Variants in AGBL1 observed in about 807,000 individuals in gnomAD.
The protein encoded by AGBL1 is cytosolic carboxypeptidase 4.
Under a neutral mutation model 118.9 loss-of-function variants are expected in AGBL1, and 130 were observed. The observed-to-expected ratio is 1.09, with a 90% CI of 0.95 to 1.26. AGBL1 has a LOEUF of 1.26. AGBL1 is among the 50% of genes most tolerant of loss of function. The pLI, the probability that AGBL1 is intolerant of heterozygous loss-of-function variation, is 0.00. For missense variants in AGBL1, 1,584 were observed against 1,298.1 expected, an observed-to-expected ratio of 1.22 and a Z score of -3.38; for synonymous variants, 555 against 478.9, an observed-to-expected ratio of 1.16 and a Z score of -2.08.
chr15:86,590,688 G>A (rs1048926893), intron 21 of AGBL1, among the ~76,000 whole-genome samples: 1 of 152,136 alleles, frequency 6.6e-6, no homozygotes, highest in Non-Finnish European at 1.5e-5. Flanking sequence ...ACCTTTAAAG[G>A]TGTCAGACTC....
rs529067923 is a variant in AGBL1 at position 86,982,704 on chromosome 15, G to A, written c.3222-5283G>A. Among the ~76,000 whole-genome samples, 26 of 151,612 alleles carry A rather than the reference G, an allele frequency of 1.7e-4. No homozygotes were observed. In the East Asian group the frequency reaches 4.4e-3, roughly 26 times the overall value. On this transcript the variant is annotated intron_variant, in intron 23 of 24. Transcript: ENST00000441037. ...AACAGTAAACATATTTTCTCTTTCT[G>A]GTGATTTTTTTAATAACATTTTCCT...
At chr15:86,349,980 C>G (rs1161769165) in intron 17 of AGBL1, among the ~76,000 whole-genome samples, 1 of 152,132 alleles carries the variant, frequency 6.6e-6, no homozygotes, top group Non-Finnish European at 1.5e-5. Context: ...AACATAAAGA[C>G]CTTGACAAAA....
At chr15:86,600,836 G>A (rs2084481791) in intron 21 of AGBL1, among the ~76,000 whole-genome samples, 1 of 152,112 alleles carries the variant, frequency 6.6e-6, no homozygotes, top group Non-Finnish European at 1.5e-5. Flanking sequence ...CAGTGGCACA[G>A]TTCCAAAGCA....
At chr15:86,277,585 T>C (rs1407603593) in intron 15 of AGBL1, among the ~76,000 whole-genome samples, 1 of 152,184 alleles carries the variant, frequency 6.6e-6, no homozygotes, top group Non-Finnish European at 1.5e-5. Context: ...CTCCTGTGGT[T>C]GAATGTGGTG....
chr15:86,653,186 C>T (rs887507671), intron 21 of AGBL1, among the ~76,000 whole-genome samples: 1 of 152,050 alleles, frequency 6.6e-6, no homozygotes, highest in Non-Finnish European at 1.5e-5. Flanking sequence ...GTTATGTCAG[C>T]ACAAACATCC....
chr15:86,380,043 A>T (rs572708867), intron 17 of AGBL1, among the ~76,000 whole-genome samples: 9 of 152,164 alleles, frequency 5.9e-5, no homozygotes, highest in Non-Finnish European at 1.3e-4. Flanking sequence ...GGTCTAGGGG[A>T]TTGTTTTAAA....
chr15:86,240,979 A>C (rs2078632606), intron 6 of AGBL1, among the ~76,000 whole-genome samples: 1 of 152,208 alleles, frequency 6.6e-6, no homozygotes, highest in African/African-American at 2.4e-5. Context: ...GCTTTAGAGT[A>C]ATGAGACTCA....
intron 22 of AGBL1, among the ~76,000 whole-genome samples, chr15:86,693,495 G>A (rs980638512): frequency 2.6e-5 from 4 of 151,988 alleles, no homozygotes; most frequent in Non-Finnish European, 5.9e-5. Flanking sequence ...GTAGATTCTG[G>A]ATATTAGTCC....
chr15:86,707,670 C>CT (rs1322632945), intron 22 of AGBL1, among the ~76,000 whole-genome samples: 1 of 151,954 alleles, frequency 6.6e-6, no homozygotes, highest in African/African-American at 2.4e-5. Flanking sequence ...AATAAAAATC[C>CT]TTTTTTCTGG....
intron 22 of AGBL1, among the ~76,000 whole-genome samples, chr15:86,902,602 A>C (rs963599448): frequency 6.6e-6 from 1 of 151,688 alleles, no homozygotes; most frequent in Non-Finnish European, 1.5e-5. Context: ...GTTACCAAAA[A>C]ATTATCAAAA....
At chr15:86,569,405 A>C (rs1250230802) in intron 21 of AGBL1, among the ~76,000 whole-genome samples, 1 of 119,276 alleles carries the variant, frequency 8.4e-6, no homozygotes, top group Admixed American at 8.3e-5. Flanking sequence ...AAGAAAAAGA[A>C]AACAAGGAAA....
chr15:86,716,604 CG>C (rs1448109860), intron 22 of AGBL1, among the ~76,000 whole-genome samples: 1 of 152,152 alleles, frequency 6.6e-6, no homozygotes, highest in Admixed American at 6.5e-5. Flanking sequence ...AAAAAGCTCA[CG>C]GCTATCTCCA....
At chr15:86,665,765 A>ATT (rs796660694) in intron 21 of AGBL1, among the ~76,000 whole-genome samples, 1 of 149,888 alleles carries the variant, frequency 6.7e-6, no homozygotes, top group Non-Finnish European at 1.5e-5. Flanking sequence ...ATCAAAATAA[A>ATT]TTTTTTTTTT....
chr15:86,784,760 T>C (rs868160532), intron 22 of AGBL1, among the ~76,000 whole-genome samples: 3 of 152,296 alleles, frequency 2.0e-5, no homozygotes, highest in Non-Finnish European at 4.4e-5. Context: ...TAGAATACTC[T>C]AAAATACAAT....
chr15:86,417,604 G>T (rs553972080), intron 18 of AGBL1, among the ~76,000 whole-genome samples: 2 of 152,180 alleles, frequency 1.3e-5, no homozygotes, highest in Non-Finnish European at 2.9e-5. Flanking sequence ...TAGCCATACA[G>T]ATGCCCAGAG....
chr15:86,495,816 T>A (rs1269397158), intron 18 of AGBL1, among the ~76,000 whole-genome samples: 1 of 151,978 alleles, frequency 6.6e-6, no homozygotes, highest in African/African-American at 2.4e-5. Context: ...TTTGATGTAT[T>A]ATGTAGATTT....
intron 24 of AGBL1, among the ~76,000 whole-genome samples, chr15:87,009,151 A>T (rs1422472038): frequency 6.6e-6 from 1 of 152,136 alleles, no homozygotes. Flanking sequence ...CTCCCATCAC[A>T]GGTGCAGAGG....
chr15:86,629,689 G>C (rs2084936414), intron 21 of AGBL1, among the ~76,000 whole-genome samples: 1 of 152,052 alleles, frequency 6.6e-6, no homozygotes, highest in Non-Finnish European at 1.5e-5. Context: ...CTGGCTTCTT[G>C]GCTCATTTCT....
At chr15:86,983,993 A>G (rs1409677015) in intron 23 of AGBL1, among the ~76,000 whole-genome samples, 1 of 152,170 alleles carries the variant, frequency 6.6e-6, no homozygotes, top group Non-Finnish European at 1.5e-5. Context: ...TTTATATACA[A>G]GTATAGGCAT....
Sources: gnomAD v4.1 joint callset for allele counts (sites outside exome capture counted in the v4.1 genomes callset) on GRCh38, gnomAD v4.1.1 for gene constraint, MANE v1.5 for transcripts, NCBI Gene and HGNC (gene_info 2026-07-23, HGNC 2026-07-21) for gene names.